The following MTMR7 variants were observed in gnomAD, a reference collection of about 807,000 sequenced individuals.
MTMR7 encodes myotubularin related protein 7.
Under a neutral mutation model 81.2 loss-of-function variants are expected in MTMR7, and 76 were observed. That is an observed-to-expected ratio of 0.94 (90% CI 0.78 to 1.13). The LOEUF (loss-of-function observed/expected upper bound fraction) is 1.13, where lower values mean the gene tolerates loss of function less well. Ranked by LOEUF, MTMR7 falls within the 50% of genes most tolerant of loss-of-function variation. The probability of loss-of-function intolerance (pLI) is 0.00; values close to 1 mark genes in which losing one functional copy is unlikely to be tolerated. For missense variants in MTMR7, 1,044 were observed against 820.0 expected (o/e 1.27, Z -3.34); for synonymous variants, 372 against 289.8 (o/e 1.28, Z -2.88).
At chr8:17,392,826 G>C (rs1001879592) in intron 1 of MTMR7, among the ~76,000 whole-genome samples, 1 of 152,228 alleles carries the variant, frequency 6.6e-6, no homozygotes, top group African/African-American at 2.4e-5. Flanking sequence ...TTTGGATTTA[G>C]AAAATTCTTT....
chr8:17,367,449 T>C (rs561803491), intron 3 of MTMR7, among the ~76,000 whole-genome samples: 1 of 152,240 alleles, frequency 6.6e-6, no homozygotes, highest in South Asian at 2.1e-4. Flanking sequence ...TATTAATACA[T>C]TAGATCTACA....
intron 1 of MTMR7, among the ~76,000 whole-genome samples, chr8:17,405,445 G>C (rs749595785): frequency 6.6e-6 from 1 of 152,146 alleles, no homozygotes; most frequent in Non-Finnish European, 1.5e-5. Context: ...GCTGCACAGA[G>C]CAGGGCTCTG....
In MTMR7 at chr8:17,348,938, C is replaced by A. The variant is rs201687938; in HGVS notation, c.597+15G>T. ...AAAAGCAAAGTGTAAAACAAAAACACGCCTCGAGACTTACGTGGTTATCTT... is the reference window on the plus strand; with the variant it reads ...AAAAGCAAAGTGTAAAACAAAAACAAGCCTCGAGACTTACGTGGTTATCTT... On this transcript the variant is annotated intron_variant, in intron 5 of 13. Coordinates refer to ENST00000180173, the MANE Select transcript of MTMR7 (RefSeq NM_004686.5). 1 of 1,613,424 alleles carries A rather than the reference C, an allele frequency of 6.2e-7. No homozygotes were observed. Among genetic ancestry groups the A allele is most frequent in the African/African-American group, 1.3e-5 (1 of 74,816 alleles).
At chr8:17,339,280 C>T (rs1819339812) in intron 6 of MTMR7, among the ~76,000 whole-genome samples, 1 of 152,252 alleles carries the variant, frequency 6.6e-6, no homozygotes, top group African/African-American at 2.4e-5. Flanking sequence ...ATGTAATTCA[C>T]ATGTCATACT....
intron 6 of MTMR7, among the ~76,000 whole-genome samples, chr8:17,336,545 T>TA (rs1819242538): frequency 6.6e-6 from 1 of 151,884 alleles, no homozygotes; most frequent in Admixed American, 6.6e-5. Context: ...ACTCAGCGAG[T>TA]AGGAACCACC....
At chr8:17,371,252 G>C (rs1315116761) in intron 2 of MTMR7, 53 bp from the exon 3 acceptor site, 1 of 1,559,866 alleles carries the variant, frequency 6.4e-7, no homozygotes, top group Non-Finnish European at 8.7e-7. Flanking sequence ...TAATGAATAC[G>C]ACAAGGACTA....
At chr8:17,346,116 C>A (rs1819543808) in intron 5 of MTMR7, 1 of 152,168 alleles carries the variant, frequency 6.6e-6, no homozygotes, top group South Asian at 2.1e-4. Flanking sequence ...CCATTAAGCA[C>A]AGAAATCCAC....
intron 7 of MTMR7, among the ~76,000 whole-genome samples, chr8:17,316,631 A>G (rs1344985039): frequency 1.3e-5 from 2 of 152,152 alleles, no homozygotes; most frequent in Non-Finnish European, 2.9e-5. Flanking sequence ...TCAACCAACC[A>G]CAGAGCACAA....
intron 1 of MTMR7, among the ~76,000 whole-genome samples, chr8:17,384,539 G>T (rs1820869603): frequency 6.6e-6 from 1 of 152,100 alleles, no homozygotes; most frequent in Non-Finnish European, 1.5e-5. Context: ...AAACAATAGA[G>T]TATGCAAAAA....
chr8:17,341,315 G>C (rs1237732259), intron 6 of MTMR7, 48 bp downstream of exon 6: 6 of 1,607,080 alleles, frequency 3.7e-6, no homozygotes, highest in South Asian at 1.1e-5. Context: ...CCTGTCTCCA[G>C]TTTCACAACT....
intron 1 of MTMR7, among the ~76,000 whole-genome samples, chr8:17,401,111 T>C (rs1337202551): frequency 3.9e-5 from 6 of 152,140 alleles, no homozygotes; most frequent in Non-Finnish European, 8.8e-5. Flanking sequence ...GTGTGTGGTA[T>C]GTGTATGTGT....
At chr8:17,401,282 G>A (rs1821422302) in intron 1 of MTMR7, among the ~76,000 whole-genome samples, 1 of 152,108 alleles carries the variant, frequency 6.6e-6, no homozygotes, top group African/African-American at 2.4e-5. Context: ...AAGTGTGGGA[G>A]CAAACCATCT....
intron 8 of MTMR7, among the ~76,000 whole-genome samples, chr8:17,312,426 T>G (rs1817833340): frequency 6.6e-6 from 1 of 151,904 alleles, no homozygotes; most frequent in Admixed American, 6.6e-5. Flanking sequence ...AATACAAAAA[T>G]TAGCCAGGCA....
chr8:17,357,064 AAG>A (rs746031227), intron 4 of MTMR7, among the ~76,000 whole-genome samples: 11 of 152,152 alleles, frequency 7.2e-5, no homozygotes, highest in Non-Finnish European at 1.6e-4. Flanking sequence ...CAACCAACAA[AAG>A]AAAAAAAGAA....
chr8:17,404,710 G>C (rs954927806), intron 1 of MTMR7, among the ~76,000 whole-genome samples: 13 of 152,094 alleles, frequency 8.5e-5, no homozygotes, highest in African/African-American at 3.1e-4. Context: ...AATGAAACCA[G>C]AAAAGATACC....
chr8:17,354,607 T>A (rs912486189), intron 4 of MTMR7, among the ~76,000 whole-genome samples: 1 of 152,234 alleles, frequency 6.6e-6, no homozygotes, highest in Non-Finnish European at 1.5e-5. Context: ...ATTCTACGTC[T>A]GCTGTTATTT....
chr8:17,311,596 GAAC>G lies in MTMR7; in HGVS notation c.1013_1015del (p.Cys338del). 1.2e-6 allele frequency: 2 copies of G among 1,614,074 alleles called. No homozygotes were observed. Among genetic ancestry groups the G allele is most frequent in the Non-Finnish European group, 1.7e-6 (2 of 1,180,006 alleles). Reference sequence around the variant, plus strand: ...CTGAGCGGTCCTGTCCCAGCCATCAGAACAGTGAACAAGCACACTTGCCCCTTC... The same window carrying G: ...CTGAGCGGTCCTGTCCCAGCCATCAGAGTGAACAAGCACACTTGCCCCTTC... On this transcript the variant is annotated inframe_deletion, in exon 9 of 14. Transcript: ENST00000180173.
chr8:17,400,464 A>G (rs572171596), intron 1 of MTMR7, among the ~76,000 whole-genome samples: 5 of 152,306 alleles, frequency 3.3e-5, no homozygotes, highest in African/African-American at 1.2e-4. Context: ...ACAGGAAAGA[A>G]AATGCAGTTT....
intron 3 of MTMR7, among the ~76,000 whole-genome samples, chr8:17,363,751 G>C (rs1013448289): frequency 6.6e-6 from 1 of 152,174 alleles, no homozygotes; most frequent in South Asian, 2.1e-4. Context: ...GATACAGCCT[G>C]CAGACTCTGC....
Sources: allele counts gnomAD v4.1 joint callset (sites outside exome capture counted in the v4.1 genomes callset), GRCh38; gene constraint gnomAD v4.1.1; transcripts MANE v1.5; gene names NCBI Gene and HGNC (gene_info 2026-07-23, HGNC 2026-07-21).